The following HSD17B12 variants were observed in gnomAD, a reference collection of about 807,000 sequenced individuals.
HSD17B12 encodes the protein hydroxysteroid 17-beta dehydrogenase 12, also known as very-long-chain 3-oxoacyl-CoA reductase.
Under a neutral mutation model 39.3 loss-of-function variants are expected in HSD17B12, and 32 were observed. The observed-to-expected ratio is 0.81, with a 90% CI of 0.61 to 1.09. HSD17B12 has a LOEUF of 1.09. Ranked by LOEUF, HSD17B12 falls within the 50% of genes least tolerant of loss-of-function variation. The pLI is 0.00. For missense variants in HSD17B12, 342 were observed against 382.9 expected (o/e 0.89, Z 0.89); for synonymous variants, 150 against 146.7 (o/e 1.02, Z -0.16).
intron 8 of HSD17B12, among the ~76,000 whole-genome samples, chr11:43,839,543 G>T (rs1259890127): frequency 6.6e-6 from 1 of 152,022 alleles, no homozygotes; most frequent in Non-Finnish European, 1.5e-5. Context: ...TATACTTCTT[G>T]GATCTTGTCA....
chr11:43,578,203 A>T, the HSD17B12 span, among the ~76,000 whole-genome samples: 1 of 152,200 alleles, frequency 6.6e-6, no homozygotes, highest in African/African-American at 2.4e-5. Context: ...TTATATGTTT[A>T]TTAAAAAATA....
intron 1 of HSD17B12, among the ~76,000 whole-genome samples, chr11:43,725,812 A>G (rs1950215450): frequency 6.6e-6 from 1 of 152,224 alleles, no homozygotes; most frequent in Admixed American, 6.5e-5. Context: ...AGGGAACAAC[A>G]GAGTTTGAAT....
At chr11:43,747,905 C>G (rs1950426850) in intron 1 of HSD17B12, among the ~76,000 whole-genome samples, 1 of 152,162 alleles carries the variant, frequency 6.6e-6, no homozygotes, top group Non-Finnish European at 1.5e-5. Context: ...GCATTCTTAA[C>G]CTGTCTCATT....
chr11:43,850,614 A>G (rs962944171), intron 9 of HSD17B12, among the ~76,000 whole-genome samples: 1 of 152,194 alleles, frequency 6.6e-6, no homozygotes, highest in Non-Finnish European at 1.5e-5. Flanking sequence ...CCAAGGTTCA[A>G]TCCCTGATTC....
At chr11:43,717,839 C>G (rs1223553984) in intron 1 of HSD17B12, among the ~76,000 whole-genome samples, 1 of 143,370 alleles carries the variant, frequency 7.0e-6, no homozygotes, top group Non-Finnish European at 1.5e-5. Context: ...GAGTCTGGCT[C>G]TGTCGCCCAG....
At chr11:43,766,299 G>T (rs1234946326) in intron 3 of HSD17B12, among the ~76,000 whole-genome samples, 1 of 152,080 alleles carries the variant, frequency 6.6e-6, no homozygotes, top group African/African-American at 2.4e-5. Context: ...CCTCATAATG[G>T]TCTAGAAAAT....
the HSD17B12 span, among the ~76,000 whole-genome samples, chr11:43,608,593 T>C: frequency 6.6e-6 from 1 of 152,190 alleles, no homozygotes; most frequent in Non-Finnish European, 1.5e-5. Flanking sequence ...TTCCATGTAA[T>C]CTTTATTCAC....
intron 1 of HSD17B12, among the ~76,000 whole-genome samples, chr11:43,733,085 G>A (rs893238619): frequency 6.6e-6 from 1 of 152,198 alleles, no homozygotes; most frequent in Non-Finnish European, 1.5e-5. Context: ...AAGTTAAAAC[G>A]TTGGTTAAAG....
chr11:43,796,467 A>T (rs1454307032), intron 3 of HSD17B12, among the ~76,000 whole-genome samples: 1 of 152,252 alleles, frequency 6.6e-6, no homozygotes, highest in Non-Finnish European at 1.5e-5. Flanking sequence ...ATGAGTTCAG[A>T]AATTTTAATT....
At chr11:43,580,355 C>G in the HSD17B12 span, among the ~76,000 whole-genome samples, 1 of 102,426 alleles carries the variant, frequency 9.8e-6, no homozygotes, top group South Asian at 3.4e-4. Context: ...CCCTAGCATT[C>G]TGCAGAATGG....
the HSD17B12 span, among the ~76,000 whole-genome samples, chr11:43,671,330 C>T: frequency 6.6e-6 from 1 of 152,312 alleles, no homozygotes; most frequent in African/African-American, 2.4e-5. Context: ...CAGGCTTGTG[C>T]CACCACACCC....
intron 9 of HSD17B12, among the ~76,000 whole-genome samples, chr11:43,851,714 C>G (rs1378138541): frequency 1.5e-4 from 23 of 151,922 alleles, no homozygotes; most frequent in Admixed American, 1.5e-3. Context: ...TTAATTGTAC[C>G]CCTGCTATGT....
the HSD17B12 span, among the ~76,000 whole-genome samples, chr11:43,578,331 C>T: frequency 6.6e-6 from 1 of 152,184 alleles, no homozygotes; most frequent in Non-Finnish European, 1.5e-5. Flanking sequence ...GCTTTAGTGA[C>T]CTGACCCCGA....
At chr11:43,750,752 C>T (rs994412318) in intron 1 of HSD17B12, among the ~76,000 whole-genome samples, 159 bp from the exon 2 acceptor site, 3 of 152,082 alleles carry the variant, frequency 2.0e-5, no homozygotes, top group South Asian at 2.1e-4. Context: ...TTAGCTATTG[C>T]GGTGTGTATT....
At chr11:43,695,208 A>C (rs565403350) in intron 1 of HSD17B12, among the ~76,000 whole-genome samples, 1 of 152,300 alleles carries the variant, frequency 6.6e-6, no homozygotes, top group African/African-American at 2.4e-5. Context: ...CAGGCTTTTT[A>C]ACCAAATATC....
chr11:43,580,254 C>T, the HSD17B12 span, among the ~76,000 whole-genome samples: 323 of 152,060 alleles, frequency 2.1e-3, no homozygotes, highest in Non-Finnish European at 3.6e-3. Context: ...CTCTAGTCTT[C>T]CCTCCCCTCC....
upstream of HSD17B12, among the ~76,000 whole-genome samples, chr11:43,677,807 G>A (rs548152910): frequency 1.3e-5 from 2 of 152,334 alleles, no homozygotes; most frequent in East Asian, 3.9e-4. Flanking sequence ...ATTCCATGGT[G>A]TATATGTGCC....
At chr11:43,742,262 C>T (rs879494332) in intron 1 of HSD17B12, among the ~76,000 whole-genome samples, 1 of 151,376 alleles carries the variant, frequency 6.6e-6, no homozygotes, top group Non-Finnish European at 1.5e-5. Context: ...CTCAGCTTCC[C>T]GAGTAGGTGG....
At chr11:43,782,360 G>A (rs988695181) in intron 3 of HSD17B12, among the ~76,000 whole-genome samples, 5 of 152,072 alleles carry the variant, frequency 3.3e-5, no homozygotes, top group Admixed American at 1.3e-4. Flanking sequence ...TAAAAGGATG[G>A]AAACAAATTA....
Sources: gnomAD v4.1 joint callset for allele counts (sites outside exome capture counted in the v4.1 genomes callset) on GRCh38, gnomAD v4.1.1 for gene constraint, MANE v1.5 for transcripts, NCBI Gene and HGNC (gene_info 2026-07-23, HGNC 2026-07-21) for gene names.